The following NLGN1 variants were observed in gnomAD, a reference collection of about 807,000 sequenced individuals.
The protein encoded by NLGN1 is neuroligin 1, also known as neuroligin-1.
A neutral mutation model predicts 65.5 loss-of-function variants in NLGN1; 12 were observed. That is an observed-to-expected ratio of 0.18 (90% confidence interval 0.12 to 0.30). The LOEUF (loss-of-function observed/expected upper bound fraction) is 0.30. NLGN1 is among the 10% of genes least tolerant of loss of function. The probability of loss-of-function intolerance (pLI) is 1.00; values close to 1 mark genes in which losing one functional copy is unlikely to be tolerated. For missense variants in NLGN1, 750 were observed against 1,007.1 expected (o/e 0.74, Z 3.46); for synonymous variants, 350 against 359.5 (o/e 0.97, Z 0.30).
chr3:173,503,787 A>G (rs1731549138), intron 2 of NLGN1, among the ~76,000 whole-genome samples: 1 of 152,090 alleles, frequency 6.6e-6, no homozygotes, highest in Admixed American at 6.6e-5. Flanking sequence ...CAAAGGTGCT[A>G]CAGGGTGTAG....
intron 2 of NLGN1, among the ~76,000 whole-genome samples, chr3:173,576,071 A>G (rs956257879): frequency 2.6e-5 from 4 of 152,108 alleles, no homozygotes; most frequent in South Asian, 2.1e-4. Context: ...GATTTTGAAT[A>G]TATTTATATG....
chr3:174,132,496 T>A (rs1472921945), intron 4 of NLGN1, among the ~76,000 whole-genome samples: 1 of 152,170 alleles, frequency 6.6e-6, no homozygotes, highest in East Asian at 1.9e-4. Flanking sequence ...CTCTTGTAAG[T>A]CTGGCCCTGT....
intron 2 of NLGN1, among the ~76,000 whole-genome samples, chr3:173,588,038 T>C (rs1747798864): frequency 6.6e-6 from 1 of 152,198 alleles, no homozygotes; most frequent in Non-Finnish European, 1.5e-5. Context: ...CACATGACAC[T>C]TCCAAGTGCA....
chr3:174,130,609 A>G (rs888926296), intron 4 of NLGN1, among the ~76,000 whole-genome samples: 15 of 152,310 alleles, frequency 9.8e-5, no homozygotes, highest in African/African-American at 3.1e-4. Context: ...TATGCAGGAG[A>G]CACAAATCAC....
intron 4 of NLGN1, among the ~76,000 whole-genome samples, chr3:174,101,729 T>A (rs9822250): frequency 6.6e-6 from 1 of 152,176 alleles, no homozygotes; most frequent in Non-Finnish European, 1.5e-5. Flanking sequence ...TATAGATTCA[T>A]AATAAATAGT....
chr3:173,464,881 CTAT>C (rs1313206602), intron 2 of NLGN1, among the ~76,000 whole-genome samples: 13 of 52,756 alleles, frequency 2.5e-4, no homozygotes. Context: ...TTTTTGTGGA[CTAT>C]TTTTTTTCTA....
intron 4 of NLGN1, among the ~76,000 whole-genome samples, chr3:173,857,653 T>C (rs1253660283): frequency 6.6e-6 from 1 of 152,082 alleles, no homozygotes; most frequent in Non-Finnish European, 1.5e-5. Flanking sequence ...GAAGGTGGCC[T>C]CTAAAATCAG....
chr3:174,264,625 T>G (rs1747645765), intron 4 of NLGN1, among the ~76,000 whole-genome samples: 1 of 150,332 alleles, frequency 6.7e-6, no homozygotes, highest in Non-Finnish European at 1.5e-5. Flanking sequence ...GCCTTTGGTT[T>G]GAATGTCCTC....
At chr3:174,212,046 G>C (rs1414975549) in intron 4 of NLGN1, among the ~76,000 whole-genome samples, 2 of 152,148 alleles carry the variant, frequency 1.3e-5, no homozygotes, top group African/African-American at 4.8e-5. Context: ...GGGAGGCTCG[G>C]GCTGCACAGG....
At chr3:173,631,288 A>T (rs1056247207) in intron 3 of NLGN1, among the ~76,000 whole-genome samples, 1 of 152,136 alleles carries the variant, frequency 6.6e-6, no homozygotes, top group African/African-American at 2.4e-5. Context: ...TGTTAACACT[A>T]TTTGTCCATC....
intron 2 of NLGN1, among the ~76,000 whole-genome samples, chr3:173,512,468 A>G (rs536913636): frequency 5.3e-5 from 8 of 152,296 alleles, no homozygotes; most frequent in African/African-American, 1.7e-4. Flanking sequence ...TCTGAAGTCA[A>G]GCTGCCTCTC....
intron 3 of NLGN1, among the ~76,000 whole-genome samples, chr3:173,635,005 A>G (rs1433905541): frequency 6.6e-6 from 1 of 152,114 alleles, no homozygotes; most frequent in East Asian, 1.9e-4. Context: ...TAAATTTTTA[A>G]TCTCTTCTAA....
chr3:173,590,325 G>A (rs1394839591), intron 2 of NLGN1, among the ~76,000 whole-genome samples: 1 of 152,074 alleles, frequency 6.6e-6, no homozygotes, highest in African/African-American at 2.4e-5. Context: ...AAAGTCACCA[G>A]TTTCATTACC....
intron 3 of NLGN1, among the ~76,000 whole-genome samples, chr3:173,748,307 G>A (rs907147805): frequency 3.9e-5 from 6 of 152,206 alleles, no homozygotes; most frequent in South Asian, 2.1e-4. Context: ...TTCCTTGTTT[G>A]TACAGGCAGA....
chr3:173,687,933 A>G (rs1340423760), intron 3 of NLGN1, among the ~76,000 whole-genome samples: 1 of 152,250 alleles, frequency 6.6e-6, no homozygotes. Flanking sequence ...AATCTCAGTT[A>G]ATTTCAGGAA....
At chr3:174,263,754 A>G (rs1747428503) in intron 4 of NLGN1, among the ~76,000 whole-genome samples, 1 of 151,674 alleles carries the variant, frequency 6.6e-6, no homozygotes, top group Non-Finnish European at 1.5e-5. Flanking sequence ...TTTGCTTGTT[A>G]GTTGACGCAG....
intron 4 of NLGN1, among the ~76,000 whole-genome samples, chr3:174,151,565 TGACA>T (rs1460801406): frequency 3.1e-5 from 4 of 127,552 alleles, no homozygotes; most frequent in Admixed American, 7.4e-5. Flanking sequence ...TAAAAACGTA[TGACA>T]GACAGATTAA....
At chr3:174,017,720 T>G (rs1726885021) in intron 4 of NLGN1, among the ~76,000 whole-genome samples, 1 of 152,052 alleles carries the variant, frequency 6.6e-6, no homozygotes, top group Admixed American at 6.6e-5. Flanking sequence ...ATTAGTGATT[T>G]TCAAAAGGGG....
At chr3:173,848,096 T>C (rs1048918277) in intron 4 of NLGN1, among the ~76,000 whole-genome samples, 6 of 152,140 alleles carry the variant, frequency 3.9e-5, no homozygotes, top group African/African-American at 1.2e-4. Context: ...AGTCTCCAAT[T>C]ACTAGCTGTG....
Sources: gnomAD v4.1 joint callset for allele counts (sites outside exome capture counted in the v4.1 genomes callset) on GRCh38, gnomAD v4.1.1 for gene constraint, MANE v1.5 for transcripts, NCBI Gene and HGNC (gene_info 2026-07-23, HGNC 2026-07-21) for gene names.